ULK4: variants seen among roughly 807,000 people sequenced by gnomAD.
ULK4 encodes inactive serine/threonine-protein kinase ULK4.
Under a neutral mutation model 160.6 loss-of-function variants are expected in ULK4, and 133 were observed. The observed-to-expected ratio is 0.83, with a 90% confidence interval of 0.72 to 0.96. ULK4 has a LOEUF of 0.96. Among genes scored for constraint, ULK4 ranks in the 40% least tolerant of loss-of-function variants. The pLI is 0.00. For synonymous variants in ULK4, 534 were observed against 539.8 expected (o/e 0.99, Z 0.15); for missense variants, 1,580 against 1,499.5 (o/e 1.05, Z -0.89).
intron 18 of ULK4, among the ~76,000 whole-genome samples, chr3:41,833,286 GTTTT>G (rs767254673): frequency 1.3e-3 from 143 of 109,524 alleles, no homozygotes; most frequent in African/African-American, 5.6e-3. Flanking sequence ...TTTTTTTTTT[GTTTT>G]TTTTTTTTTT....
At chr3:41,464,237 A>G (rs1331818586) in intron 32 of ULK4, among the ~76,000 whole-genome samples, 3 of 152,164 alleles carry the variant, frequency 2.0e-5, no homozygotes, top group Non-Finnish European at 2.9e-5. Flanking sequence ...AAAACAATCC[A>G]GTCTTCCTGA....
intron 27 of ULK4, among the ~76,000 whole-genome samples, chr3:41,683,335 T>C (rs991695307): frequency 8.6e-5 from 13 of 151,948 alleles, no homozygotes; most frequent in Non-Finnish European, 1.3e-4. Flanking sequence ...TCCTATTGCA[T>C]TGAGAGCCCA....
intron 20 of ULK4, among the ~76,000 whole-genome samples, chr3:41,795,246 T>C (rs1384708493): frequency 6.6e-6 from 1 of 152,230 alleles, no homozygotes; most frequent in Non-Finnish European, 1.5e-5. Context: ...CATGTAAATC[T>C]ATTAACCGTG....
intron 17 of ULK4, among the ~76,000 whole-genome samples, chr3:41,864,588 T>A (rs2042575503): frequency 6.6e-6 from 1 of 152,116 alleles, no homozygotes; most frequent in East Asian, 1.9e-4. Context: ...GACCTTGCTG[T>A]ACCCCAGAGT....
intron 34 of ULK4, among the ~76,000 whole-genome samples, chr3:41,454,062 G>A (rs1354020651): frequency 6.8e-6 from 1 of 147,792 alleles, no homozygotes; most frequent in Non-Finnish European, 1.5e-5. Flanking sequence ...AGCATTAGGA[G>A]ATATACCTAA....
At chr3:41,262,302 T>C (rs1420831277) in intron 35 of ULK4, among the ~76,000 whole-genome samples, 1 of 152,138 alleles carries the variant, frequency 6.6e-6, no homozygotes, top group Non-Finnish European at 1.5e-5. Flanking sequence ...CCCAAGGAAA[T>C]AGCTTGGCCT....
chr3:41,417,960 C>T (rs1234660775), intron 34 of ULK4, among the ~76,000 whole-genome samples: 2 of 152,118 alleles, frequency 1.3e-5, no homozygotes, highest in African/African-American at 2.4e-5. Context: ...ATGAAATTCC[C>T]ATGCAAAAGA....
At chr3:41,445,757 A>C (rs2125861393) in intron 34 of ULK4, among the ~76,000 whole-genome samples, 1 of 152,260 alleles carries the variant, frequency 6.6e-6, no homozygotes, top group Middle Eastern at 3.4e-3. Flanking sequence ...GTTAGACCTA[A>C]AACCATAAAA....
At chr3:41,489,025 T>C (rs2084649999) in intron 32 of ULK4, among the ~76,000 whole-genome samples, 3 of 152,120 alleles carry the variant, frequency 2.0e-5, no homozygotes, top group South Asian at 2.1e-4. Flanking sequence ...AGCCCCCTTC[T>C]GCCTCCTCCA....
intron 35 of ULK4, among the ~76,000 whole-genome samples, chr3:41,305,627 C>T (rs2079895265): frequency 6.6e-6 from 1 of 152,234 alleles, no homozygotes; most frequent in Non-Finnish European, 1.5e-5. Context: ...ACTGCAGCCT[C>T]TGCCCGGCTG....
intron 31 of ULK4, among the ~76,000 whole-genome samples, chr3:41,572,604 C>CAA (rs35989954): frequency 0.011 from 1,633 of 146,556 alleles, 24 homozygotes; most frequent in Middle Eastern, 0.035. Context: ...ACTAAAAATA[C>CAA]AAAAAAAAAA....
chr3:41,685,916 T>G (rs141813148), intron 27 of ULK4, among the ~76,000 whole-genome samples: 1 of 152,178 alleles, frequency 6.6e-6, no homozygotes, highest in Non-Finnish European at 1.5e-5. Context: ...AACATTTATA[T>G]GTACCTACAA....
Position 41,718,094 on chromosome 3 carries a change from C to T in ULK4, c.2322-233G>A, listed in dbSNP as rs546264414. 3.3e-5 allele frequency among the ~76,000 whole-genome samples: 5 copies of T among 152,214 alleles called. No homozygotes were observed. In the East Asian group the frequency reaches 9.7e-4, roughly 29 times the overall value. ...CTGCTAATATCCTGATTCCATTTGC[C>T]TTGGCGAATGGAAACGAACAATATT... On this transcript the variant is annotated intron_variant, in intron 22 of 36. Transcript: ENST00000301831.
At chr3:41,724,388 T>C (rs1559509603) in intron 22 of ULK4, among the ~76,000 whole-genome samples, 1 of 152,128 alleles carries the variant, frequency 6.6e-6, no homozygotes. Context: ...TTTTCTAAAG[T>C]GATCATTATG....
chr3:41,551,451 C>T (rs1267298261), intron 32 of ULK4, among the ~76,000 whole-genome samples: 4 of 151,686 alleles, frequency 2.6e-5, no homozygotes, highest in Non-Finnish European at 4.4e-5. Flanking sequence ...ATTACTGCTG[C>T]TATAGAAATA....
intron 34 of ULK4, among the ~76,000 whole-genome samples, chr3:41,450,445 C>T (rs1267018152): frequency 6.6e-6 from 1 of 152,120 alleles, no homozygotes; most frequent in Non-Finnish European, 1.5e-5. Context: ...TATGGCTCTC[C>T]TACAGTGTAT....
intron 31 of ULK4, among the ~76,000 whole-genome samples, chr3:41,567,080 C>A (rs1358638925): frequency 6.6e-6 from 1 of 152,156 alleles, no homozygotes; most frequent in African/African-American, 2.4e-5. Flanking sequence ...CGAAAAGCAA[C>A]AAGCATATTA....
chr3:41,830,449 T>C (rs542318913), intron 18 of ULK4, among the ~76,000 whole-genome samples: 4 of 151,998 alleles, frequency 2.6e-5, no homozygotes, highest in African/African-American at 7.2e-5. Context: ...ATGGAGACAG[T>C]AGGGGATTAA....
chr3:41,933,676 C>G (rs1699668343), intron 4 of ULK4, among the ~76,000 whole-genome samples: 1 of 151,560 alleles, frequency 6.6e-6, no homozygotes, highest in Non-Finnish European at 1.5e-5. Context: ...CCTTGTACAG[C>G]TATGAACTAA....
Sources: allele counts gnomAD v4.1 joint callset (sites outside exome capture counted in the v4.1 genomes callset), GRCh38; gene constraint gnomAD v4.1.1; transcripts MANE v1.5; gene names NCBI Gene and HGNC (gene_info 2026-07-23, HGNC 2026-07-21).